Variants in C14orf93 observed in about 807,000 individuals in gnomAD.
C14orf93 encodes the protein chromosome 14 open reading frame 93.
In C14orf93, 23 loss-of-function variants were observed where a neutral mutation model predicts 44.0. That is an observed-to-expected ratio of 0.52 (90% CI 0.38 to 0.74). The LOEUF (loss-of-function observed/expected upper bound fraction) is 0.74. Among genes scored for constraint, C14orf93 ranks in the 30% least tolerant of loss-of-function variants. C14orf93 has a pLI of 0.00. For synonymous variants in C14orf93, 253 were observed against 265.7 expected, an observed-to-expected ratio of 0.95 and a Z score of 0.46; for missense variants, 579 against 678.9, an observed-to-expected ratio of 0.85 and a Z score of 1.64.
intron 3 of C14orf93, chr14:22,994,063 C>T (rs951707780): frequency 6.6e-6 from 1 of 152,380 alleles, no homozygotes; most frequent in Middle Eastern, 3.4e-3. Context: ...TTCAGTTCCA[C>T]CACACTCTCC....
chr14:23,009,714 T>G (rs2046787447), intron 1 of C14orf93, among the ~76,000 whole-genome samples: 1 of 152,208 alleles, frequency 6.6e-6, no homozygotes, highest in South Asian at 2.1e-4. Flanking sequence ...ATCTCTCTGC[T>G]TCCTTCGATG....
rs887613984 is a variant in C14orf93, at chr14:22,986,906, C to A, written c.*309G>T. On this transcript the variant is annotated 3_prime_UTR_variant, in exon 7 of 7. Transcript: ENST00000299088. ...AACAACTCAGAGACAGGGCATATGTCAAGAAGGCCTCATGTTTCTTGGACC... is the reference window on the plus strand; with the variant it reads ...AACAACTCAGAGACAGGGCATATGTAAAGAAGGCCTCATGTTTCTTGGACC... 1.2e-4 allele frequency: 44 copies of A among 382,506 alleles called. No homozygotes were observed. The highest frequency in any genetic ancestry group is 1.9e-4 in the Non-Finnish European group (39 of 208,994). 23.7% of individuals were successfully genotyped at this position (382,506 alleles called of 1,614,324 possible).
intron 1 of C14orf93, chr14:23,006,395 AAG>A (rs1428137201): frequency 6.6e-6 from 1 of 152,244 alleles, no homozygotes; most frequent in African/African-American, 2.4e-5. Flanking sequence ...AGGGGTAAAA[AAG>A]AGAGCTGTAG....
intron 3 of C14orf93, 127 bp downstream of exon 3, chr14:22,995,820 TC>T: frequency 3.7e-6 from 3 of 806,038 alleles, no homozygotes; most frequent in Non-Finnish European, 5.4e-6. Context: ...TCTCTCCTTA[TC>T]CCTCCCACTC....
rs1846937180 is a variant in C14orf93 at position 22,996,641 on chromosome 14, A to G, written c.598-373T>C. Reference sequence around the variant, plus strand: ...AAGAAAGAAACCAAGCAAGAGAAGGAGTAAGAAAATAAAACAGTAACAGCA... The same window carrying G: ...AAGAAAGAAACCAAGCAAGAGAAGGGGTAAGAAAATAAAACAGTAACAGCA... On this transcript the variant is annotated intron_variant, in intron 2 of 6. Coordinates refer to ENST00000299088, the MANE Select transcript of C14orf93 (RefSeq NM_021944.4). This position sits in a 1 kb window ranked among gnomAD's most constrained non-coding sequence, Gnocchi z 4.1. Among the ~76,000 whole-genome samples, 1 of 152,248 alleles carries G rather than the reference A, an allele frequency of 6.6e-6. No individual in the cohort carries two copies. The highest frequency in any genetic ancestry group is 2.4e-5 in the African/African-American group (1 of 41,462).
Position 22,987,695 on chromosome 14 carries a change from GA to G in C14orf93, c.1198-62del. On this transcript the variant is annotated intron_variant, in intron 6 of 6. Transcript: ENST00000299088. The surrounding 1 kb of genome is among the most constrained non-coding windows in gnomAD (Gnocchi z 5.6). ...AAACATTCTATGGATTAGATTTGGGGAAAAGGTTTGGTGGGGAAGGCTGTGT... is the reference window on the plus strand; with the variant it reads ...AAACATTCTATGGATTAGATTTGGGGAAAGGTTTGGTGGGGAAGGCTGTGT... The G allele has an allele frequency of 6.7e-7, 1 of 1,499,924 alleles. No homozygotes were observed. The highest frequency in any genetic ancestry group is 2.3e-5 in the East Asian group (1 of 44,112). The allele number at this position is 1,499,924 out of a possible 1,614,324, so 92.9% of individuals were successfully genotyped here.
At chr14:23,006,622 C>T (rs2046629964) in intron 1 of C14orf93, 1 of 152,244 alleles carries the variant, frequency 6.6e-6, no homozygotes, top group Non-Finnish European at 1.5e-5. Flanking sequence ...GAAAAAGTAG[C>T]TCCTAGAACT....
At chr14:23,002,333 T>C (rs1566693689) in intron 1 of C14orf93, among the ~76,000 whole-genome samples, 2 of 150,118 alleles carry the variant, frequency 1.3e-5, no homozygotes. Context: ...TTGTCTGTAA[T>C]CCCAGCTACT....
In C14orf93 at chr14:23,010,134, G is replaced by A. The variant is rs2046801649; in HGVS notation, c.-413C>T. ...CGTATGGCTCTTTGTATTCGTGTGT[G>A]TGCAAAAAGGAGGACTCGCGGAGCC... On this transcript the variant is annotated 5_prime_UTR_variant, in exon 1 of 7. Coordinates refer to ENST00000299088, the MANE Select transcript of C14orf93 (RefSeq NM_021944.4). 1 of 152,046 alleles carries A rather than the reference G, an allele frequency of 6.6e-6. No homozygotes were observed. Among genetic ancestry groups the A allele is most frequent in the African/African-American group, 2.4e-5 (1 of 41,426 alleles). The allele number at this position is 152,046 out of a possible 1,614,324, so 9.4% of individuals were successfully genotyped here. A position where few individuals can be genotyped will look rare whatever the true frequency, so the allele number is the denominator to read the frequency against.
At chr14:22,989,968 T>A in intron 4 of C14orf93, 98 bp downstream of exon 4, 1 of 1,419,082 alleles carries the variant, frequency 7.0e-7, no homozygotes, top group Non-Finnish European at 9.9e-7. Flanking sequence ...TATGGTGAGA[T>A]CAAAGCCTTA....
chr14:22,992,686 C>A (rs1468377301), intron 3 of C14orf93, among the ~76,000 whole-genome samples: 1 of 150,936 alleles, frequency 6.6e-6, no homozygotes. Context: ...CTGGTTCAAG[C>A]AATTCTCCTG....
intron 1 of C14orf93, among the ~76,000 whole-genome samples, chr14:23,009,653 G>T (rs1207026840): frequency 2.4e-5 from 1 of 41,382 alleles, no homozygotes; most frequent in Non-Finnish European, 4.5e-5. Flanking sequence ...TTTGGTTCTG[G>T]GGGGGTGGGT....
chr14:23,009,437 T>C (rs2046778474), intron 1 of C14orf93, among the ~76,000 whole-genome samples: 1 of 152,160 alleles, frequency 6.6e-6, no homozygotes, highest in Non-Finnish European at 1.5e-5. Context: ...ATTGTACATA[T>C]ACACAAATAA....
chr14:22,989,935 A>G, intron 4 of C14orf93, 90 bp from the exon 5 acceptor site: 1 of 1,451,250 alleles, frequency 6.9e-7, no homozygotes, highest in Non-Finnish European at 9.7e-7. Context: ...CTTTGTGGCA[A>G]ATCCCTCCAC....
intron 1 of C14orf93, chr14:23,000,012 G>T (rs2046212061): frequency 6.6e-6 from 1 of 152,208 alleles, no homozygotes; most frequent in Non-Finnish European, 1.5e-5. Flanking sequence ...CCAGCCAGGA[G>T]CCCAGAGAAA....
rs1201994083 is a variant in C14orf93 at position 22,998,955 on chromosome 14, G to A, written c.69C>T (p.Ala23=). Reference sequence around the variant, plus strand: ...TGCCTCCATTAGTCTCACTCTTACAGGCGCAGCAGCAGCATCTGGCCTCGC... The same window carrying A: ...TGCCTCCATTAGTCTCACTCTTACAAGCGCAGCAGCAGCATCTGGCCTCGC... ...SGSEARCCCC[A]CKSETNGGNT... The change falls in exon 2 of 7, where the codon GCC becomes GCT. Residue 23 remains alanine, a synonymous_variant. Transcript: ENST00000299088. The A allele has an allele frequency of 8.1e-6, 13 of 1,613,746 alleles. No individual in the cohort carries two copies. The highest frequency in any genetic ancestry group is 3.3e-5 in the Admixed American group (2 of 60,006).
At position 22,996,983 on chromosome 14, in the gene C14orf93, GCACACACA is replaced by G. The variant is rs200829885; in HGVS notation, c.598-723_598-716del. Among the ~76,000 whole-genome samples, 10 of 62,588 alleles carry G rather than the reference GCACACACA, an allele frequency of 1.6e-4. No homozygotes were observed. Among genetic ancestry groups the G allele is most frequent in the South Asian group, 4.2e-4 (1 of 2,358 alleles). The allele number at this position is 62,588 out of a possible 152,430, so 41.1% of individuals were successfully genotyped here. ...TGAAAGTGGGGACACACACGCACAC[GCACACACA>G]CACACACACACACACACACAGAAAG... On this transcript the variant is annotated intron_variant, in intron 2 of 6. Coordinates refer to ENST00000299088, the MANE Select transcript of C14orf93 (RefSeq NM_021944.4). The surrounding 1 kb of genome is among the most constrained non-coding windows in gnomAD (Gnocchi z 4.1).
chr14:22,992,736 C>A (rs904844245), intron 3 of C14orf93, among the ~76,000 whole-genome samples: 9 of 151,734 alleles, frequency 5.9e-5, no homozygotes, highest in Non-Finnish European at 8.8e-5. Flanking sequence ...AGGAATGCAC[C>A]ACCATTCCCA....
intron 1 of C14orf93, among the ~76,000 whole-genome samples, chr14:23,003,004 T>A (rs944960456): frequency 6.6e-6 from 1 of 152,344 alleles, no homozygotes; most frequent in South Asian, 2.1e-4. Context: ...TGACGCAAAT[T>A]AGAAAGGTAA....
Sources: gnomAD v4.1 joint callset for allele counts (sites outside exome capture counted in the v4.1 genomes callset) on GRCh38, gnomAD v4.1.1 for gene constraint, Gnocchi (gnomAD v3.1) non-coding constraint, MANE v1.5 for transcripts, NCBI Gene and HGNC (gene_info 2026-07-23, HGNC 2026-07-21) for gene names.